The following SHISAL2A variants were observed in gnomAD, a reference collection of about 807,000 sequenced individuals.
The protein encoded by SHISAL2A is shisa like 2A.
A neutral mutation model predicts 11.5 loss-of-function variants in SHISAL2A; 18 were observed. That is an observed-to-expected ratio of 1.57 (90% CI 1.08 to 2.33). The LOEUF is 2.33. Ranked by LOEUF, SHISAL2A falls within the 30% of genes most tolerant of loss-of-function variation. The pLI, the probability that SHISAL2A is intolerant of heterozygous loss-of-function variation, is 0.00. For synonymous variants in SHISAL2A, 94 were observed against 99.6 expected, an observed-to-expected ratio of 0.94 and a Z score of 0.34; for missense variants, 261 against 250.9, an observed-to-expected ratio of 1.04 and a Z score of -0.27.
exon 6 of SHISAL2A, chr1:52,669,267 A>G (rs974693693): frequency 4.0e-5 from 6 of 150,988 alleles, no homozygotes; most frequent in Admixed American, 1.3e-4. Flanking sequence ...TGAACCACCA[A>G]TTGGATCTTT....
intron 2 of SHISAL2A, among the ~76,000 whole-genome samples, chr1:52,650,088 C>A (rs1177329605): frequency 6.6e-6 from 1 of 152,184 alleles, no homozygotes; most frequent in African/African-American, 2.4e-5. Context: ...CTTTCATCAG[C>A]CCCTCCCACC....
chr1:52,643,850 CAGAA>C (rs141726101), intron 2 of SHISAL2A, among the ~76,000 whole-genome samples: 51,135 of 134,694 alleles, frequency 0.38, 9,078 homozygotes, highest in Middle Eastern at 0.43. Flanking sequence ...GAGACTGTCT[CAGAA>C]AGAAAGAAAG....
downstream of SHISAL2A, among the ~76,000 whole-genome samples, chr1:52,660,538 A>G (rs1444370976): frequency 6.6e-6 from 1 of 152,190 alleles, no homozygotes; most frequent in East Asian, 1.9e-4. Context: ...TCGACCGGCA[A>G]TTATTTCTTG....
intron 2 of SHISAL2A, among the ~76,000 whole-genome samples, chr1:52,653,747 CT>C (rs199999114): frequency 1.3e-4 from 19 of 150,828 alleles, no homozygotes; most frequent in African/African-American, 3.2e-4. Context: ...GCAACCCGCC[CT>C]TTTTTTTTGA....
chr1:52,639,594 T>G (rs11807855), intron 1 of SHISAL2A, among the ~76,000 whole-genome samples: 1 of 151,312 alleles, frequency 6.6e-6, no homozygotes, highest in African/African-American at 2.4e-5. Flanking sequence ...TCTATTAAAA[T>G]TACAAAAAAT....
At chr1:52,645,210 C>G (rs538009276) in intron 2 of SHISAL2A, among the ~76,000 whole-genome samples, 16 of 152,210 alleles carry the variant, frequency 1.1e-4, no homozygotes, top group Non-Finnish European at 2.2e-4. Context: ...TTCTCAGATC[C>G]TGATGACTGT....
chr1:52,637,402 A>G (rs1436753293), intron 1 of SHISAL2A, among the ~76,000 whole-genome samples: 1 of 152,222 alleles, frequency 6.6e-6, no homozygotes, highest in African/African-American at 2.4e-5. Context: ...CATGAAAGTC[A>G]GTCCTTAAAA....
chr1:52,662,530 A>T (rs1257443615), intron 4 of SHISAL2A, among the ~76,000 whole-genome samples: 367 of 145,482 alleles, frequency 2.5e-3, no homozygotes, highest in African/African-American at 6.5e-3. Context: ...TTTTTTTTTT[A>T]AATAAAGATG....
intron 1 of SHISAL2A, among the ~76,000 whole-genome samples, chr1:52,639,044 A>G (rs1261470333): frequency 6.6e-6 from 1 of 152,168 alleles, no homozygotes; most frequent in African/African-American, 2.4e-5. Flanking sequence ...GTGGTGGCAC[A>G]TGCCTGTAGT....
chr1:52,640,627 C>CA (rs939639303), intron 1 of SHISAL2A, among the ~76,000 whole-genome samples: 9 of 150,170 alleles, frequency 6.0e-5, no homozygotes, highest in South Asian at 2.1e-4. Context: ...AAAAAACAAA[C>CA]AAAAAAAAAC....
intron 2 of SHISAL2A, among the ~76,000 whole-genome samples, chr1:52,654,165 C>A (rs1407303075): frequency 6.6e-6 from 1 of 151,930 alleles, no homozygotes; most frequent in African/African-American, 2.4e-5. Context: ...CCCTTCTTGG[C>A]CTCTCAAAGT....
downstream of SHISAL2A, among the ~76,000 whole-genome samples, chr1:52,657,592 C>T (rs6588436): frequency 0.68 from 103,064 of 151,986 alleles, 36,112 homozygotes; most frequent in East Asian, 0.98. Flanking sequence ...CGGCAGTTCA[C>T]GCCTGTAGTC....
At chr1:52,652,379 C>T (rs914750240) in intron 2 of SHISAL2A, among the ~76,000 whole-genome samples, 4 of 152,166 alleles carry the variant, frequency 2.6e-5, no homozygotes, top group Admixed American at 6.5e-5. Flanking sequence ...CTCCATCACT[C>T]TGGGCCATAT....
intron 2 of SHISAL2A, among the ~76,000 whole-genome samples, chr1:52,650,643 C>CTTT (rs35001247): frequency 1.1e-3 from 115 of 108,098 alleles, no homozygotes; most frequent in Non-Finnish European, 1.2e-3. Flanking sequence ...TTTTAAAACC[C>CTTT]TTTTTTTTTT....
intron 1 of SHISAL2A, among the ~76,000 whole-genome samples, chr1:52,637,637 G>T (rs1222160790): frequency 2.0e-5 from 3 of 152,216 alleles, no homozygotes; most frequent in African/African-American, 7.2e-5. Context: ...GGCAGAGTTT[G>T]TGGTCAGACC....
chr1:52,638,725 C>T (rs1220926761), intron 1 of SHISAL2A, among the ~76,000 whole-genome samples: 2 of 152,200 alleles, frequency 1.3e-5, no homozygotes, highest in East Asian at 3.8e-4. Context: ...AGAATGTACT[C>T]CTCAGGGTTA....
chr1:52,651,025 C>T (rs1370830169), intron 2 of SHISAL2A, among the ~76,000 whole-genome samples: 1 of 151,362 alleles, frequency 6.6e-6, no homozygotes, highest in Non-Finnish European at 1.5e-5. Flanking sequence ...TGAGTGGAAC[C>T]TCAGGTCACA....
At chr1:52,657,167 C>G, downstream of SHISAL2A, 1 of 1,277,872 alleles carries the variant, frequency 7.8e-7, no homozygotes, top group South Asian at 1.5e-5. Flanking sequence ...CCCAGCCCTG[C>G]TGTGGACCCT....
chr1:52,667,255 C>A, intron 4 of SHISAL2A: 1 of 214,562 alleles, frequency 4.7e-6, no homozygotes, highest in Non-Finnish European at 8.0e-6. Flanking sequence ...ACCTACCTTG[C>A]AGGAATGGAA....
Sources: allele counts gnomAD v4.1 joint callset (sites outside exome capture counted in the v4.1 genomes callset), GRCh38; gene constraint gnomAD v4.1.1; transcripts MANE v1.5; gene names NCBI Gene and HGNC (gene_info 2026-07-23, HGNC 2026-07-21).